MCTP1: variants seen among roughly 807,000 people sequenced by gnomAD.
MCTP1 encodes multiple C2 and transmembrane domain-containing protein 1.
Under a neutral mutation model 120.6 loss-of-function variants are expected in MCTP1, and 69 were observed. The observed-to-expected ratio is 0.57, with a 90% CI of 0.47 to 0.70. The LOEUF (loss-of-function observed/expected upper bound fraction) is 0.70. Ranked by LOEUF, MCTP1 falls within the 30% of genes least tolerant of loss-of-function variation. The pLI, the probability that MCTP1 is intolerant of heterozygous loss-of-function variation, is 0.00. For synonymous variants in MCTP1, 529 were observed against 493.1 expected (o/e 1.07, Z -0.96); for missense variants, 1,203 against 1,248.8 (o/e 0.96, Z 0.55).
At chr5:95,161,970 T>A (rs1582402496) in intron 1 of MCTP1, among the ~76,000 whole-genome samples, 1 of 152,296 alleles carries the variant, frequency 6.6e-6, no homozygotes, top group South Asian at 2.1e-4. Flanking sequence ...GATGTTAACT[T>A]TGAGACTCCT....
At chr5:95,130,880 G>A (rs1324590032) in intron 1 of MCTP1, among the ~76,000 whole-genome samples, 1 of 152,166 alleles carries the variant, frequency 6.6e-6, no homozygotes, top group Non-Finnish European at 1.5e-5. Context: ...GGACACAATT[G>A]GCTAGGTGCA....
At chr5:94,724,286 C>T (rs1253704582) in intron 19 of MCTP1, among the ~76,000 whole-genome samples, 1 of 152,086 alleles carries the variant, frequency 6.6e-6, no homozygotes, top group African/African-American at 2.4e-5. Context: ...CGCTTTGTTG[C>T]CCAGGCTGGA....
At chr5:94,982,384 C>T (rs922381485) in intron 2 of MCTP1, among the ~76,000 whole-genome samples, 3 of 152,086 alleles carry the variant, frequency 2.0e-5, no homozygotes, top group Non-Finnish European at 4.4e-5. Flanking sequence ...GGCAATGACA[C>T]ACTTATGGTG....
chr5:95,144,785 C>T (rs772263280), intron 1 of MCTP1, among the ~76,000 whole-genome samples: 3 of 152,022 alleles, frequency 2.0e-5, no homozygotes, highest in African/African-American at 4.8e-5. Context: ...TTATAATAGT[C>T]CCATGCTGTT....
At chr5:95,002,941 T>C (rs1435745847) in intron 2 of MCTP1, among the ~76,000 whole-genome samples, 2 of 152,114 alleles carry the variant, frequency 1.3e-5, no homozygotes, top group African/African-American at 4.8e-5. Flanking sequence ...CCACATGTCA[T>C]GGGAGGGAAC....
At chr5:95,030,421 A>C (rs934507182) in intron 1 of MCTP1, among the ~76,000 whole-genome samples, 4 of 152,190 alleles carry the variant, frequency 2.6e-5, no homozygotes, top group Non-Finnish European at 5.9e-5. Context: ...CAGAGGGCTT[A>C]GTGCTAGTCC....
At chr5:95,005,490 G>A (rs1324990624) in intron 2 of MCTP1, among the ~76,000 whole-genome samples, 2 of 152,142 alleles carry the variant, frequency 1.3e-5, no homozygotes, top group Non-Finnish European at 2.9e-5. Context: ...ATGTCAAATT[G>A]TAATTCCCAG....
In MCTP1 at chr5:94,769,010, T is replaced by C. The variant is rs563523006; in HGVS notation, c.2610+10100A>G. Among the ~76,000 whole-genome samples, 180 of 152,232 alleles carry C rather than the reference T, an allele frequency of 1.2e-3. 1 individual carries two copies. The highest frequency in any genetic ancestry group is 4.1e-3 in the Admixed American group (63 of 15,296). ...AAGTATCCATCAACATTTTAATGAA[T>C]AAAGCAAATGTGGTACATATGTACC... On this transcript the variant is annotated intron_variant, in intron 19 of 22. Transcript: ENST00000515393.
chr5:94,897,039 T>C (rs1287107679), intron 10 of MCTP1, among the ~76,000 whole-genome samples: 1 of 151,954 alleles, frequency 6.6e-6, no homozygotes, highest in Non-Finnish European at 1.5e-5. Context: ...TCAAAGTGGG[T>C]AATATCTGGA....
At chr5:95,266,044 A>C (rs1398560946) in intron 1 of MCTP1, among the ~76,000 whole-genome samples, 1 of 152,126 alleles carries the variant, frequency 6.6e-6, no homozygotes, top group Non-Finnish European at 1.5e-5. Flanking sequence ...AGAAACTCCA[A>C]ATTTGGGTTC....
intron 6 of MCTP1, chr5:94,929,694 G>A: frequency 1.0e-6 from 1 of 985,120 alleles, no homozygotes; most frequent in Non-Finnish European, 1.2e-6. Flanking sequence ...CAATGTAGCA[G>A]AGTGTGTGAA....
intron 2 of MCTP1, among the ~76,000 whole-genome samples, chr5:94,954,618 G>C (rs1029079877): frequency 6.6e-6 from 1 of 152,076 alleles, no homozygotes; most frequent in African/African-American, 2.4e-5. Context: ...AAATCATAGA[G>C]ATTAATCTGA....
At chr5:95,043,259 A>T (rs2151919154) in intron 1 of MCTP1, among the ~76,000 whole-genome samples, 1 of 152,332 alleles carries the variant, frequency 6.6e-6, no homozygotes, top group South Asian at 2.1e-4. Flanking sequence ...ACATTTTAGA[A>T]TTTAGTCCAA....
intron 1 of MCTP1, among the ~76,000 whole-genome samples, chr5:95,114,923 A>G (rs1035830761): frequency 6.6e-6 from 1 of 152,208 alleles, no homozygotes; most frequent in African/African-American, 2.4e-5. Context: ...CCAGCTCCAG[A>G]TGGCCCAGAA....
chr5:94,976,245 G>A (rs7721120), intron 2 of MCTP1, among the ~76,000 whole-genome samples: 118,530 of 152,066 alleles, frequency 0.78, 46,393 homozygotes, highest in Admixed American at 0.8. Flanking sequence ...AAAATGGTCA[G>A]CCTGTCCTCG....
chr5:94,808,120 CCACA>C (rs1450553814), intron 17 of MCTP1, among the ~76,000 whole-genome samples: 66 of 152,234 alleles, frequency 4.3e-4, no homozygotes, highest in African/African-American at 1.5e-3. Context: ...TCAGGCTCCA[CCACA>C]TCATCAGAGT....
At chr5:94,935,296 C>T (rs1815894347) in intron 5 of MCTP1, among the ~76,000 whole-genome samples, 1 of 151,952 alleles carries the variant, frequency 6.6e-6, no homozygotes, top group Non-Finnish European at 1.5e-5. Flanking sequence ...TTTTTCAACT[C>T]ATTCTTCACT....
chr5:94,777,694 T>C (rs1423379947), intron 19 of MCTP1, among the ~76,000 whole-genome samples: 1 of 152,158 alleles, frequency 6.6e-6, no homozygotes, highest in Non-Finnish European at 1.5e-5. Context: ...ACAAGCTCTC[T>C]ACAGCTCTAC....
Position 95,282,211 on chromosome 5 carries a change from T to C in MCTP1, c.720+1645A>G, listed in dbSNP as rs1200724432. Among the ~76,000 whole-genome samples, 4 of 152,202 alleles carry C rather than the reference T, an allele frequency of 2.6e-5. No homozygotes were observed. The East Asian group carries it at 7.7e-4, about 29-fold the overall frequency. The stretch of plus-strand genomic sequence containing the variant: ...TACAAAATTCATACTTACATAGTAG[T>C]GTTTTTTTTAATAAAGATTGACAGT... On this transcript the variant is annotated intron_variant, in intron 1 of 22. Coordinates refer to ENST00000515393, the MANE Select transcript of MCTP1 (RefSeq NM_024717.7).
Sources: gnomAD v4.1 joint callset for allele counts (sites outside exome capture counted in the v4.1 genomes callset) on GRCh38, gnomAD v4.1.1 for gene constraint, MANE v1.5 for transcripts, NCBI Gene and HGNC (gene_info 2026-07-23, HGNC 2026-07-21) for gene names.